The following MCM4 variants were observed in gnomAD, a reference collection of about 807,000 sequenced individuals.
The protein encoded by MCM4 is DNA replication licensing factor MCM4.
In MCM4, 60 loss-of-function variants were observed where a neutral mutation model predicts 88.7. The ratio of observed to expected loss-of-function variants is 0.68; its 90% CI spans 0.55 to 0.84. The LOEUF (loss-of-function observed/expected upper bound fraction) is 0.84, where lower values mean the gene tolerates loss of function less well. Ranked by LOEUF, MCM4 falls within the 40% of genes least tolerant of loss-of-function variation. MCM4 has a pLI of 0.00. For synonymous variants in MCM4, 465 were observed against 410.5 expected, an observed-to-expected ratio of 1.13 and a Z score of -1.61; for missense variants, 1,149 against 1,105.5, an observed-to-expected ratio of 1.04 and a Z score of -0.56.
chr8:47,974,583 G>C, intron 14 of MCM4, 151 bp from the exon 15 acceptor site: 1 of 672,688 alleles, frequency 1.5e-6, no homozygotes, highest in Non-Finnish European at 2.7e-6. Context: ...GTCTGTCTGT[G>C]TAGTCTCTAC....
intron 10 of MCM4, 114 bp from the exon 11 acceptor site, chr8:47,969,684 G>A: frequency 2.8e-6 from 3 of 1,058,012 alleles, no homozygotes; most frequent in South Asian, 1.5e-5. Context: ...CCTTTCCAGG[G>A]CCAGCCCGAC....
At position 47,976,681 on chromosome 8, in the gene MCM4, C is replaced by A. The variant is rs768173553; in HGVS notation, c.2500-5C>A. 3 of 1,607,776 alleles carry A rather than the reference C, an allele frequency of 1.9e-6. No homozygotes were observed. The highest frequency in any genetic ancestry group is 1.1e-5 in the South Asian group (1 of 90,846). On this transcript the variant is annotated splice_polypyrimidine_tract_variant and splice_region_variant and intron_variant, in intron 16 of 16. Transcript: ENST00000649973. ...CAATATTTATTTTCTTTCTCTTCCCCACAGGCAATTACTAAAGATATGTTT... is the reference window on the plus strand; with the variant it reads ...CAATATTTATTTTCTTTCTCTTCCCAACAGGCAATTACTAAAGATATGTTT...
Position 47,976,775 on chromosome 8 carries a change from C to T in MCM4, c.2589C>T (p.Leu863=), listed in dbSNP as rs1361954850. The T allele has an allele frequency of 6.2e-7, 1 of 1,608,836 alleles. No individual in the cohort carries two copies. Among genetic ancestry groups the T allele is most frequent in the Non-Finnish European group, 8.5e-7 (1 of 1,175,510 alleles). The change falls in exon 17 of 17, where the codon CTC becomes CTT. Residue 863 remains leucine (L), a synonymous_variant. Coordinates refer to ENST00000649973, the MANE Select transcript of MCM4 (RefSeq NM_182746.3). ...TGACTGGGAAGACCGTGCGCTTGCT[C>T]TGAAGCCTTGTGAGCAAGGAAGGCT... ...LTVTGKTVRL[L]
rs1211551548 is a variant in MCM4, at chr8:47,972,894, G to A, written c.1966G>A (p.Glu656Lys). 25 of 1,614,094 alleles carry A rather than the reference G, an allele frequency of 1.5e-5. No individual in the cohort carries two copies. Among genetic ancestry groups the A allele is most frequent in the Non-Finnish European group, 1.7e-5 (20 of 1,179,990 alleles). ...CTTCCTCTTGCTGGACCCTCAGGAC[G>A]AAGCCTATGACAGGCGTCTGGCTCA... ...LIFLLLDPQD[E>K]AYDRRLAHHL... is the part of the protein sequence containing the mutation. Residue 656 changes from glutamate (E) to lysine (K), a missense_variant, in exon 14 of 17, where the codon GAA (glutamate) becomes AAA (lysine). Around this residue, in one of 3 missense-constraint regions of MCM4, gnomAD observed 906 missense variants for 843.0 expected, o/e 1.07. Coordinates refer to ENST00000649973, the MANE Select transcript of MCM4 (RefSeq NM_182746.3).
rs577633841 is a variant in MCM4 at position 47,961,090 on chromosome 8, C to T, written c.-14-41C>T. 3,515 of 1,503,474 alleles carry T rather than the reference C, an allele frequency of 2.3e-3. 91 individuals carry two copies. The South Asian group carries it at 0.04, about 17-fold the overall frequency. The allele number at this position is 1,503,474 out of a possible 1,614,324, so 93.1% of individuals were successfully genotyped here. A position where few individuals can be genotyped will look rare whatever the true frequency, so the allele number is the denominator to read the frequency against. ...CGCGCTGCGGAGCAGGGCAGGGAAG[C>T]CGGGAGGCGGGCCCGGCCCGAGCTT... On this transcript the variant is annotated intron_variant, in intron 1 of 16. Coordinates refer to ENST00000649973, the MANE Select transcript of MCM4 (RefSeq NM_182746.3).
chr8:47,963,534 T>C (rs1015605396), intron 7 of MCM4, among the ~76,000 whole-genome samples: 3 of 152,204 alleles, frequency 2.0e-5, no homozygotes, highest in Admixed American at 6.5e-5. Flanking sequence ...AAGTGGGACT[T>C]GTATTACTAT....
chr8:47,972,908 G>C lies in MCM4; in HGVS notation c.1980G>C (p.Arg660Ser), dbSNP rs2090968093. ...ACCCTCAGGACGAAGCCTATGACAGGCGTCTGGCTCACCACCTGGTCGCAC... is the reference window on the plus strand; with the variant it reads ...ACCCTCAGGACGAAGCCTATGACAGCCGTCTGGCTCACCACCTGGTCGCAC... ...LLDPQDEAYD[R>S]RLAHHLVALY... Residue 660 changes from arginine (R) to serine (S), a missense_variant, in exon 14 of 17, where the codon AGG becomes AGC. By Grantham distance (110) the Arg-to-Ser change is moderately radical. This residue lies in a region of MCM4 where 906 missense variants were observed against 843.0 expected (regional missense o/e 1.07). Coordinates refer to ENST00000649973, the MANE Select transcript of MCM4 (RefSeq NM_182746.3). 3 of 1,614,162 alleles carry C rather than the reference G, an allele frequency of 1.9e-6. No homozygotes were observed. Among genetic ancestry groups the C allele is most frequent in the Non-Finnish European group, 2.5e-6 (3 of 1,180,022 alleles).
At position 47,974,895 on chromosome 8, in the gene MCM4, G is replaced by T; in HGVS notation, c.2298G>T (p.Arg766=). The change falls in exon 15 of 17, where the codon CGG becomes CGT. Residue 766 remains arginine (R), a synonymous_variant. Coordinates refer to ENST00000649973, the MANE Select transcript of MCM4 (RefSeq NM_182746.3). The part of the protein sequence containing the change: ...IDVEEAKRLH[R]EALKQSATDP... ...TGGAAGAGGCCAAACGCCTCCATCGGGAAGCTCTGAAGCAGTCTGCAACTG... is the reference window on the plus strand; with the variant it reads ...TGGAAGAGGCCAAACGCCTCCATCGTGAAGCTCTGAAGCAGTCTGCAACTG... 1 of 1,614,188 alleles carries T rather than the reference G, an allele frequency of 6.2e-7. No individual in the cohort carries two copies. The highest frequency in any genetic ancestry group is 1.1e-5 in the South Asian group (1 of 91,080).
Position 47,974,843 on chromosome 8 carries a change from T to C in MCM4, c.2246T>C (p.Leu749Ser). The change falls in exon 15 of 17, where the codon TTG (leucine) becomes TCG (serine). Residue 749 changes from leucine to serine, a missense_variant. Physicochemically the swap from Leu to Ser is moderately radical, Grantham distance 145. Transcript: ENST00000649973. Reference protein sequence around the residue: ...RLAEAHAKVRLSNKVEAIDVE... With the variant: ...RLAEAHAKVRSSNKVEAIDVE... The stretch of plus-strand genomic sequence containing the variant: ...GCAGAAGCCCATGCTAAAGTAAGAT[T>C]GTCTAACAAAGTTGAAGCCATTGAT... 2 of 1,614,228 alleles carry C rather than the reference T, an allele frequency of 1.2e-6. No homozygotes were observed. The highest frequency in any genetic ancestry group is 1.7e-6 in the Non-Finnish European group (2 of 1,180,050).
intron 8 of MCM4, among the ~76,000 whole-genome samples, chr8:47,964,969 A>G (rs1374345091): frequency 3.9e-5 from 6 of 152,344 alleles, no homozygotes; most frequent in Non-Finnish European, 8.8e-5. Context: ...TAATCCCAGC[A>G]CTTCAGGAGG....
intron 8 of MCM4, among the ~76,000 whole-genome samples, chr8:47,965,473 A>G (rs1290419757): frequency 2.0e-5 from 3 of 152,146 alleles, no homozygotes; most frequent in Non-Finnish European, 4.4e-5. Flanking sequence ...CCATCTCAAC[A>G]ACAACAAAAT....
Position 47,971,233 on chromosome 8 carries a change from G to C in MCM4, c.1801-108G>C, listed in dbSNP as rs2090951056. ...TAAAGGCAACATGGCTCAGGCAATAGAAACTCAGTGGAGGGAATATGGGTT... is the reference window on the plus strand; with the variant it reads ...TAAAGGCAACATGGCTCAGGCAATACAAACTCAGTGGAGGGAATATGGGTT... On this transcript the variant is annotated intron_variant, in intron 12 of 16. Coordinates refer to ENST00000649973, the MANE Select transcript of MCM4 (RefSeq NM_182746.3). The C allele has an allele frequency of 3.0e-6, 4 of 1,329,488 alleles. No individual in the cohort carries two copies. In the South Asian group the frequency reaches 5.2e-5, roughly 17 times the overall value. 82.4% of individuals were successfully genotyped at this position (1,329,488 alleles called of 1,614,324 possible).
intron 3 of MCM4, 147 bp from the exon 4 acceptor site, chr8:47,961,906 C>T (rs929777875): frequency 1.1e-6 from 1 of 908,056 alleles, no homozygotes; most frequent in Non-Finnish European, 1.7e-6. Flanking sequence ...TTTAATAGAA[C>T]ATTTAAGAGT....
chr8:47,971,520 T>C (rs746235590), intron 13 of MCM4, 52 bp downstream of exon 13: 112 of 1,582,638 alleles, frequency 7.1e-5, no homozygotes, highest in Non-Finnish European at 9.4e-5. Flanking sequence ...CAGGGTGAGA[T>C]TGAAAAGGAG....
Position 47,976,738 on chromosome 8 carries a change from A to T in MCM4, c.2552A>T (p.Asp851Val). 2 of 1,613,688 alleles carry T rather than the reference A, an allele frequency of 1.2e-6. No individual in the cohort carries two copies. The highest frequency in any genetic ancestry group is 1.7e-6 in the Non-Finnish European group (2 of 1,179,692). The part of the protein sequence containing the change: ...EEALRALADD[D>V]FLTVTGKTVR... ...GCACTGCGTGCCCTGGCAGATGATGATTTCCTGACAGTGACTGGGAAGACC... is the reference window on the plus strand; with the variant it reads ...GCACTGCGTGCCCTGGCAGATGATGTTTTCCTGACAGTGACTGGGAAGACC... Residue 851 changes from aspartate to valine, a missense_variant, in exon 17 of 17, where the codon GAT (aspartate) becomes GTT (valine). Transcript: ENST00000649973.
At chr8:47,961,774 G>A (rs1563830099) in intron 3 of MCM4, 94 bp downstream of exon 3, 7 of 1,433,142 alleles carry the variant, frequency 4.9e-6, no homozygotes, top group Non-Finnish European at 6.6e-6. Context: ...TTGGCATAAC[G>A]CCTAAAGCAT....
Position 47,972,902 on chromosome 8 carries a change from T to TG in MCM4, c.1975dup (p.Asp659GlyfsTer46). The stretch of plus-strand genomic sequence containing the variant: ...TGCTGGACCCTCAGGACGAAGCCTA[T>TG]GACAGGCGTCTGGCTCACCACCTGG... On this transcript the variant is annotated frameshift_variant, in exon 14 of 17. Transcript: ENST00000649973. LOFTEE classifies it high-confidence loss of function. 2 of 1,614,222 alleles carry TG rather than the reference T, an allele frequency of 1.2e-6. No homozygotes were observed. Among genetic ancestry groups the TG allele is most frequent in the Non-Finnish European group, 1.7e-6 (2 of 1,180,042 alleles).
chr8:47,971,699 A>G (rs547655006), intron 13 of MCM4, among the ~76,000 whole-genome samples: 12 of 152,112 alleles, frequency 7.9e-5, no homozygotes, highest in African/African-American at 2.7e-4. Context: ...GTCACTCACT[A>G]CTCTTAGTCC....
intron 12 of MCM4, 117 bp downstream of exon 12, chr8:47,970,993 G>A: frequency 8.0e-7 from 1 of 1,243,454 alleles, no homozygotes; most frequent in Non-Finnish European, 1.1e-6. Flanking sequence ...AGATTGATAA[G>A]TGCTTTCCAC....
Sources: allele counts gnomAD v4.1 joint callset (sites outside exome capture counted in the v4.1 genomes callset), GRCh38; gene constraint gnomAD v4.1.1; regional missense constraint gnomAD v4.1.1; transcripts MANE v1.5; gene names NCBI Gene and HGNC (gene_info 2026-07-23, HGNC 2026-07-21).